Variants in ZNF536 observed in about 807,000 individuals in gnomAD.
ZNF536 encodes zinc finger protein 536.
In ZNF536, 13 loss-of-function variants were observed where a neutral mutation model predicts 84.5. The observed-to-expected ratio is 0.15, with a 90% CI of 0.10 to 0.24. The LOEUF (loss-of-function observed/expected upper bound fraction) is 0.24, where lower values mean the gene tolerates loss of function less well. ZNF536 is among the 10% of genes least tolerant of loss of function. The pLI, the probability that ZNF536 is intolerant of heterozygous loss-of-function variation, is 1.00. For missense variants in ZNF536, 1,536 were observed against 1,747.5 expected (o/e 0.88, Z 2.16); for synonymous variants, 811 against 742.5 (o/e 1.09, Z -1.50).
At chr19:30,704,820 G>C (rs994839457) in intron 1 of ZNF536, among the ~76,000 whole-genome samples, 2 of 151,930 alleles carry the variant, frequency 1.3e-5, no homozygotes, top group African/African-American at 4.8e-5. Context: ...GGAATGTCTC[G>C]CGGTGTTGTT....
intron 1 of ZNF536, among the ~76,000 whole-genome samples, chr19:30,405,897 C>T (rs1029537861): frequency 1.6e-4 from 24 of 152,102 alleles, no homozygotes; most frequent in African/African-American, 5.6e-4. Context: ...CCTGCCTCAG[C>T]CTCCCGAGTA....
At chr19:30,232,809 C>T (rs552014588) in intron 1 of ZNF536, among the ~76,000 whole-genome samples, 1 of 152,236 alleles carries the variant, frequency 6.6e-6, no homozygotes, top group Admixed American at 6.5e-5. Context: ...CCGTGCTGTG[C>T]GTTGTAGGAT....
intron 2 of ZNF536, among the ~76,000 whole-genome samples, chr19:30,323,549 G>T (rs990214046): frequency 6.6e-6 from 1 of 152,168 alleles, no homozygotes; most frequent in Non-Finnish European, 1.5e-5. Context: ...ATTCATTCCT[G>T]TTTAAAAAAT....
chr19:30,311,538 T>C (rs2046504385), intron 2 of ZNF536, among the ~76,000 whole-genome samples: 1 of 152,212 alleles, frequency 6.6e-6, no homozygotes, highest in African/African-American at 2.4e-5. Flanking sequence ...CCATATGGTC[T>C]TCGTGTATTT....
chr19:30,526,673 G>A (rs577267583), intron 2 of ZNF536, among the ~76,000 whole-genome samples: 5 of 140,348 alleles, frequency 3.6e-5, no homozygotes, highest in East Asian at 4.4e-4. Context: ...GCAGTGAGCC[G>A]AGATTGCGCC....
rs869281886 is a variant in ZNF536 at position 30,617,366 on chromosome 19, T to TTTTTTTTTA, written c.169+67852_169+67853insTTTTTTTTA. 3.1e-3 allele frequency among the ~76,000 whole-genome samples: 355 copies of TTTTTTTTTA among 115,938 alleles called. 34 individuals carry two copies. Among genetic ancestry groups the TTTTTTTTTA allele is most frequent in the Non-Finnish European group, 5.5e-3 (309 of 55,714 alleles). 76.1% of individuals were successfully genotyped at this position (115,938 alleles called of 152,430 possible). On this transcript the variant is annotated intron_variant, in intron 1 of 1. Coordinates refer to the ZNF536 transcript ENST00000592773. ...TTTTTTTTTTTTTTTTTTTTTTTTT[T>TTTTTTTTTA]ATGAGATGGAGTCTGACTCTGTCAC...
At chr19:30,321,545 G>A (rs1343070156) in intron 2 of ZNF536, among the ~76,000 whole-genome samples, 2 of 152,032 alleles carry the variant, frequency 1.3e-5, no homozygotes, top group Non-Finnish European at 2.9e-5. Flanking sequence ...ATGACAGAGC[G>A]AGACTCTGTC....
At chr19:30,656,822 C>T (rs1279163288) in intron 1 of ZNF536, among the ~76,000 whole-genome samples, 1 of 152,204 alleles carries the variant, frequency 6.6e-6, no homozygotes, top group Non-Finnish European at 1.5e-5. Context: ...TCTGATGTTT[C>T]TGCTCTGCAC....
At position 30,366,402 on chromosome 19, in the gene ZNF536, C is replaced by CTA. The variant is rs1425229853; in HGVS notation, c.-3+13920_-3+13921dup. Among the ~76,000 whole-genome samples, 9 of 125,210 alleles carry CTA rather than the reference C, an allele frequency of 7.2e-5. 1 individual carries two copies. Among genetic ancestry groups the CTA allele is most frequent in the Admixed American group, 5.7e-4 (7 of 12,268 alleles). 82.1% of individuals were successfully genotyped at this position (125,210 alleles called of 152,430 possible). Reference sequence around the variant, plus strand: ...TATCTATCTATCTATCTATCTATATCTATCTCCTTCCTTCCTTCTTTCCTT... The same window carrying CTA: ...TATCTATCTATCTATCTATCTATATCTATATCTCCTTCCTTCCTTCTTTCCTT... On this transcript the variant is annotated intron_variant, in intron 3 of 5. Transcript: ENST00000585628.
intron 1 of ZNF536, among the ~76,000 whole-genome samples, chr19:30,625,569 G>A (rs2048645104): frequency 1.3e-5 from 2 of 152,260 alleles, no homozygotes; most frequent in African/African-American, 2.4e-5. Flanking sequence ...CATCCACCTT[G>A]CAGGTGAAGA....
At chr19:30,250,592 A>C (rs1020153138) in intron 1 of ZNF536, among the ~76,000 whole-genome samples, 2 of 152,162 alleles carry the variant, frequency 1.3e-5, no homozygotes, top group Admixed American at 1.3e-4. Flanking sequence ...GGACCTTGCT[A>C]GGGCTGGGCA....
intron 3 of ZNF536, 101 bp downstream of exon 3, chr19:30,535,100 C>T (rs2045013637): frequency 7.2e-7 from 1 of 1,383,302 alleles, no homozygotes; most frequent in Non-Finnish European, 9.8e-7. Context: ...GGGTCACTAA[C>T]TCTGGAAGGT....
chr19:30,617,635 C>T lies in ZNF536; in HGVS notation c.169+68121C>T, dbSNP rs889165553. ...AAAGTGCTGGGATTACAGGCATGAG[C>T]CACCACACCTGGCCTGAATAGCTTA... On this transcript the variant is annotated intron_variant, in intron 1 of 1. Transcript: ENST00000592773. Among the ~76,000 whole-genome samples the T allele has an allele frequency of 2.2e-4, 34 of 152,104 alleles. 1 individual carries two copies. Among genetic ancestry groups the T allele is most frequent in the Admixed American group, 1.8e-3 (28 of 15,270 alleles).
At chr19:30,378,072 G>A (rs2048885127) in intron 1 of ZNF536, among the ~76,000 whole-genome samples, 1 of 152,198 alleles carries the variant, frequency 6.6e-6, no homozygotes, top group Admixed American at 6.5e-5. Context: ...GAGAGTCCCT[G>A]TGCTGTCTTC....
chr19:30,502,063 A>T (rs1422463351), intron 2 of ZNF536, among the ~76,000 whole-genome samples: 1 of 152,150 alleles, frequency 6.6e-6, no homozygotes. Flanking sequence ...AGTAATGTAG[A>T]CTATGATATT....
chr19:30,604,358 C>T (rs1365081440), intron 1 of ZNF536, among the ~76,000 whole-genome samples: 1 of 151,942 alleles, frequency 6.6e-6, no homozygotes, highest in African/African-American at 2.4e-5. Context: ...TTTATTTATT[C>T]ATGGAAACAT....
chr19:30,598,467 A>G (rs1568588678), intron 1 of ZNF536, among the ~76,000 whole-genome samples: 3 of 152,126 alleles, frequency 2.0e-5, no homozygotes, highest in Non-Finnish European at 2.9e-5. Context: ...AGCCACACCA[A>G]ATATATATCA....
intron 1 of ZNF536, among the ~76,000 whole-genome samples, chr19:30,569,270 T>TA (rs2046454757): frequency 6.6e-6 from 1 of 152,156 alleles, no homozygotes; most frequent in African/African-American, 2.4e-5. Flanking sequence ...GAAGACCCCA[T>TA]AGCCATTTTT....
intron 1 of ZNF536, among the ~76,000 whole-genome samples, chr19:30,279,088 C>T (rs923432769): frequency 3.3e-5 from 5 of 152,212 alleles, no homozygotes; most frequent in African/African-American, 4.8e-5. Context: ...CCTGTACCGC[C>T]GTTGCCCGCA....
Sources: allele counts gnomAD v4.1 joint callset (sites outside exome capture counted in the v4.1 genomes callset), GRCh38; gene constraint gnomAD v4.1.1; transcripts MANE v1.5; gene names NCBI Gene and HGNC (gene_info 2026-07-23, HGNC 2026-07-21).